Variants in ALDH5A1 observed in about 807,000 individuals in gnomAD.
The protein encoded by ALDH5A1 is aldehyde dehydrogenase 5 family member A1.
Under a neutral mutation model 54.7 loss-of-function variants are expected in ALDH5A1, and 33 were observed. The observed-to-expected ratio is 0.60, with a 90% confidence interval of 0.46 to 0.81. ALDH5A1 has a LOEUF of 0.81. Ranked by LOEUF, ALDH5A1 falls within the 30% of genes least tolerant of loss-of-function variation. The pLI is 0.00. For missense variants in ALDH5A1, 657 were observed against 711.0 expected, an observed-to-expected ratio of 0.92 and a Z score of 0.86; for synonymous variants, 294 against 292.7, an observed-to-expected ratio of 1.00 and a Z score of -0.05.
At chr6:24,504,567 T>C (rs1759298143) in intron 3 of ALDH5A1, among the ~76,000 whole-genome samples, 1 of 152,244 alleles carries the variant, frequency 6.6e-6, no homozygotes, top group Non-Finnish European at 1.5e-5. Context: ...AAACCATACA[T>C]TCTACAAAGC....
chr6:24,527,399 C>G (rs1449301902), intron 7 of ALDH5A1, among the ~76,000 whole-genome samples: 1 of 152,052 alleles, frequency 6.6e-6, no homozygotes, highest in East Asian at 1.9e-4. Context: ...TGATGAAACC[C>G]TGTCTCTTCT....
At chr6:24,504,818 T>C (rs1262493562) in intron 3 of ALDH5A1, 51 bp from the exon 4 acceptor site, 1 of 1,534,908 alleles carries the variant, frequency 6.5e-7, no homozygotes, top group South Asian at 1.1e-5. Context: ...TCCTTTGCAC[T>C]AAGGAGGTGG....
At position 24,518,739 on chromosome 6, in the gene ALDH5A1, C is replaced by A. The variant is rs1380290475; in HGVS notation, c.871-1662C>A. Among the ~76,000 whole-genome samples, 1 of 152,162 alleles carries A rather than the reference C, an allele frequency of 6.6e-6. No individual in the cohort carries two copies. The highest frequency in any genetic ancestry group is 2.4e-5 in the African/African-American group (1 of 41,428). On this transcript the variant is annotated intron_variant, in intron 5 of 9. Transcript: ENST00000357578. This position sits in a 1 kb window ranked among gnomAD's most constrained non-coding sequence, Gnocchi z 4.2. Reference sequence around the variant, plus strand: ...ACACATACACAGTACCCACACAGGCCTAGCTTTCCAGCCATTCTGTGTTTT... The same window carrying A: ...ACACATACACAGTACCCACACAGGCATAGCTTTCCAGCCATTCTGTGTTTT...
At chr6:24,514,574 C>G (rs968834205) in intron 4 of ALDH5A1, among the ~76,000 whole-genome samples, 4 of 151,934 alleles carry the variant, frequency 2.6e-5, no homozygotes, top group Non-Finnish European at 5.9e-5. Context: ...ACCGTCTCTA[C>G]TAAAACTACA....
chr6:24,502,629 G>A (rs897268357), intron 2 of ALDH5A1, 23 bp downstream of exon 2: 1 of 1,588,290 alleles, frequency 6.3e-7, no homozygotes, highest in Non-Finnish European at 8.6e-7. Context: ...TTCTGGCTTG[G>A]TGCACTGAGA....
chr6:24,525,469 G>A (rs1397400165), intron 7 of ALDH5A1, among the ~76,000 whole-genome samples: 2 of 151,926 alleles, frequency 1.3e-5, no homozygotes, highest in Non-Finnish European at 2.9e-5. Flanking sequence ...AAGCTGAGGC[G>A]GGTGGGTCAC....
rs1053236775 is a variant in ALDH5A1, at chr6:24,502,424, A to G, written c.355-99A>G. Reference sequence around the variant, plus strand: ...TTAACCATTACAACCAAGGAGAATGAGACCATACAGCTAATATTTTAGGAT... The same window carrying G: ...TTAACCATTACAACCAAGGAGAATGGGACCATACAGCTAATATTTTAGGAT... On this transcript the variant is annotated intron_variant, in intron 1 of 9. Coordinates refer to ENST00000357578, the MANE Select transcript of ALDH5A1 (RefSeq NM_001080.3). 3.1e-5 allele frequency: 29 copies of G among 941,212 alleles called. No homozygotes were observed. In the African/African-American group the frequency reaches 3.9e-4, roughly 13 times the overall value. 58.3% of individuals were successfully genotyped at this position (941,212 alleles called of 1,614,324 possible). A position where few individuals can be genotyped will look rare whatever the true frequency, so the allele number is the denominator to read the frequency against.
chr6:24,535,716 GA>G lies in ALDH5A1; in HGVS notation c.*2005del, dbSNP rs888988154. ...TGTAGTCCCAGCTACTCTGGAGGCT[GA>G]GGCAGGAGAATGGCGTGAACCCAGG... On this transcript the variant is annotated 3_prime_UTR_variant, in exon 10 of 10. Coordinates refer to ENST00000357578, the MANE Select transcript of ALDH5A1 (RefSeq NM_001080.3). 2.6e-5 allele frequency: 4 copies of G among 152,410 alleles called. No individual in the cohort carries two copies. The highest frequency in any genetic ancestry group is 7.2e-5 in the African/African-American group (3 of 41,588). 9.4% of individuals were successfully genotyped at this position (152,410 alleles called of 1,614,324 possible). A position where few individuals can be genotyped will look rare whatever the true frequency, so the allele number is the denominator to read the frequency against.
intron 6 of ALDH5A1, chr6:24,522,501 G>GTGTATGTGTA: frequency 5.5e-6 from 2 of 361,782 alleles, no homozygotes; most frequent in Non-Finnish European, 1.0e-5. Context: ...GTGTGTGTGT[G>GTGTATGTGTA]TGTACAGGTG....
At chr6:24,525,532 TAAA>T (rs61178893) in intron 7 of ALDH5A1, among the ~76,000 whole-genome samples, 5 of 124,720 alleles carry the variant, frequency 4.0e-5, no homozygotes, top group Non-Finnish European at 3.5e-5. Flanking sequence ...ACCCTATCTC[TAAA>T]AAAAAAAAAA....
At chr6:24,501,502 G>C (rs1764816718) in intron 1 of ALDH5A1, among the ~76,000 whole-genome samples, 1 of 152,170 alleles carries the variant, frequency 6.6e-6, no homozygotes, top group Non-Finnish European at 1.5e-5. Flanking sequence ...GGATGGAAAT[G>C]TAGTGCCTGA....
At chr6:24,520,627 C>A in intron 6 of ALDH5A1, 83 bp downstream of exon 6, 1 of 1,555,446 alleles carries the variant, frequency 6.4e-7, no homozygotes, top group Non-Finnish European at 8.8e-7. Context: ...GATATGTGTG[C>A]ATGTGAGTGT....
chr6:24,499,176 T>C (rs1764771323), intron 1 of ALDH5A1, among the ~76,000 whole-genome samples: 1 of 151,340 alleles, frequency 6.6e-6, no homozygotes. Flanking sequence ...TAATCCCAGC[T>C]ACTCAAGAGG....
At chr6:24,497,535 G>T (rs527306143) in intron 1 of ALDH5A1, among the ~76,000 whole-genome samples, 2 of 152,130 alleles carry the variant, frequency 1.3e-5, no homozygotes, top group Non-Finnish European at 2.9e-5. Context: ...TTTACAGGGC[G>T]CTGGTTGGTG....
intron 6 of ALDH5A1, among the ~76,000 whole-genome samples, chr6:24,520,812 G>C (rs760361087): frequency 1.3e-5 from 2 of 151,920 alleles, no homozygotes; most frequent in African/African-American, 4.8e-5. Flanking sequence ...GCTCAGAGGG[G>C]CCCCCCCAAA....
intron 1 of ALDH5A1, among the ~76,000 whole-genome samples, chr6:24,501,807 A>G (rs1372795207): frequency 6.6e-6 from 1 of 151,944 alleles, no homozygotes; most frequent in Non-Finnish European, 1.5e-5. Context: ...ATCAAAAAAC[A>G]CAGAAGTTCA....
chr6:24,527,921 G>T (rs1202451921), intron 7 of ALDH5A1, 76 bp from the exon 8 acceptor site: 2 of 1,547,848 alleles, frequency 1.3e-6, no homozygotes, highest in Non-Finnish European at 1.8e-6. Context: ...AATGGAACTA[G>T]TTATAGTTTT....
At chr6:24,516,893 A>G (rs1759586219) in intron 5 of ALDH5A1, among the ~76,000 whole-genome samples, 2 of 152,234 alleles carry the variant, frequency 1.3e-5, no homozygotes, top group African/African-American at 2.4e-5. Flanking sequence ...ACTGCACTCT[A>G]GCCTGGGCAA....
At chr6:24,525,560 T>G (rs1759783602) in intron 7 of ALDH5A1, among the ~76,000 whole-genome samples, 1 of 150,160 alleles carries the variant, frequency 6.7e-6, no homozygotes, top group African/African-American at 2.5e-5. Flanking sequence ...AAAGAAAAAT[T>G]AGCCAGGTGT....
Sources: gnomAD v4.1 joint callset for allele counts (sites outside exome capture counted in the v4.1 genomes callset) on GRCh38, gnomAD v4.1.1 for gene constraint, Gnocchi (gnomAD v3.1) non-coding constraint, MANE v1.5 for transcripts, NCBI Gene and HGNC (gene_info 2026-07-23, HGNC 2026-07-21) for gene names.